The following TSC22D4 variants were observed in gnomAD, a reference collection of about 807,000 sequenced individuals.
TSC22D4 encodes TSC22 domain family member 4.
In TSC22D4, 5 loss-of-function variants were observed where a neutral mutation model predicts 24.9. That is an observed-to-expected ratio of 0.20 (90% CI 0.10 to 0.42). The LOEUF (loss-of-function observed/expected upper bound fraction) is 0.42, where lower values mean the gene tolerates loss of function less well. TSC22D4 is among the 10% of genes least tolerant of loss of function. The probability of loss-of-function intolerance (pLI) is 1.00; values close to 1 mark genes in which losing one functional copy is unlikely to be tolerated. For synonymous variants in TSC22D4, 245 were observed against 243.2 expected (o/e 1.01, Z -0.07); for missense variants, 469 against 547.9 (o/e 0.86, Z 1.44).
intron 3 of TSC22D4, chr7:100,468,019 G>GC (rs766291819): frequency 2.0e-4 from 91 of 458,584 alleles, no homozygotes; most frequent in Non-Finnish European, 3.6e-4. Context: ...GGGGCTCAGA[G>GC]CCCCCCGGGC....
chr7:100,468,407 C>T (rs1396214471), intron 3 of TSC22D4, among the ~76,000 whole-genome samples: 1 of 152,120 alleles, frequency 6.6e-6, no homozygotes, highest in Non-Finnish European at 1.5e-5. Flanking sequence ...CATTCTGTCC[C>T]CTCCGTCACT....
At chr7:100,470,200 C>G (rs931410969) in intron 3 of TSC22D4, among the ~76,000 whole-genome samples, 1 of 152,156 alleles carries the variant, frequency 6.6e-6, no homozygotes. Flanking sequence ...TGGGCAGAGA[C>G]TCAGGGGTAA....
Position 100,466,975 on chromosome 7 carries a change from T to C in TSC22D4, c.1172A>G (p.Asn391Ser), listed in dbSNP as rs375700826. ...GVPRLGPPAP[N>S]GPSV ...AAGGGAGGCTCAGACGGAGGGCCCATTGGGCGCAGGGGGCCCAAGCCGTGG... is the reference window on the plus strand; with the variant it reads ...AAGGGAGGCTCAGACGGAGGGCCCACTGGGCGCAGGGGGCCCAAGCCGTGG... Residue 391 changes from asparagine (N) to serine (S), a missense_variant, in exon 5 of 5, where the codon AAT becomes AGT. Asn to Ser is a conservative substitution (Grantham distance 46, BLOSUM62 1). Coordinates refer to ENST00000300181, the MANE Select transcript of TSC22D4 (RefSeq NM_030935.5). 1.7e-5 allele frequency: 27 copies of C among 1,576,994 alleles called. No homozygotes were observed. Among genetic ancestry groups the C allele is most frequent in the Middle Eastern group, 1.9e-4 (1 of 5,258 alleles).
rs750265100 is a variant in TSC22D4, at chr7:100,467,564, G to A, written c.966C>T (p.Ile322=). 1.3e-5 allele frequency: 21 copies of A among 1,613,952 alleles called. No homozygotes were observed. In the Admixed American group the frequency reaches 2.8e-4, roughly 22 times the overall value. The change falls in exon 4 of 5, where the codon ATC becomes ATT. Residue 322 remains isoleucine, a synonymous_variant. Coordinates refer to ENST00000300181, the MANE Select transcript of TSC22D4 (RefSeq NM_030935.5). ...SGSLVGIDNK[I]EQAMDLVKSH... ...TGGCTTCTCTTACCATGGCTTGCTC[G>A]ATTTTGTTGTCAATGCCAACCAGGC...
chr7:100,474,460 A>C lies in TSC22D4; in HGVS notation c.763-20T>G, dbSNP rs762115858. 8.1e-6 allele frequency: 13 copies of C among 1,613,186 alleles called. 1 individual carries two copies. In the South Asian group the frequency reaches 1.3e-4, roughly 16 times the overall value. The stretch of plus-strand genomic sequence containing the variant: ...GGGCACCTGGAGGCGGAGAGGTAGG[A>C]ACCATCACATGAAAAGAGAAAAGAA... On this transcript the variant is annotated intron_variant, in intron 2 of 4. Coordinates refer to ENST00000300181, the MANE Select transcript of TSC22D4 (RefSeq NM_030935.5). The surrounding 1 kb of genome is among the most constrained non-coding windows in gnomAD (Gnocchi z 4.3).
At chr7:100,470,037 C>T (rs1444148271) in intron 3 of TSC22D4, among the ~76,000 whole-genome samples, 4 of 152,064 alleles carry the variant, frequency 2.6e-5, no homozygotes, top group Non-Finnish European at 4.4e-5. Context: ...GGTCTGCCAG[C>T]AGGAGGGTCA....
intron 4 of TSC22D4, 157 bp from the exon 5 acceptor site, chr7:100,467,325 G>C (rs919424613): frequency 2.1e-5 from 19 of 904,412 alleles, no homozygotes; most frequent in Non-Finnish European, 3.4e-5. Flanking sequence ...CAGAGGCAGA[G>C]TCAGGGCTCA....
rs1426184822 is a variant in TSC22D4, at chr7:100,466,965, G to T, written c.1182C>A (p.Ser394=). The change falls in exon 5 of 5, where the codon TCC becomes TCA. Residue 394 remains serine (S), a synonymous_variant. Transcript: ENST00000300181. ...RLGPPAPNGP[S]V The stretch of plus-strand genomic sequence containing the variant: ...ATTGTAAGGGAAGGGAGGCTCAGAC[G>T]GAGGGCCCATTGGGCGCAGGGGGCC... The T allele has an allele frequency of 2.6e-6, 4 of 1,563,216 alleles. No homozygotes were observed. The South Asian group carries it at 3.5e-5, about 14-fold the overall frequency.
At chr7:100,468,329 C>A in intron 3 of TSC22D4, among the ~76,000 whole-genome samples, 1 of 152,172 alleles carries the variant, frequency 6.6e-6, no homozygotes, top group Non-Finnish European at 1.5e-5. Context: ...TGGGTCTGAG[C>A]GGGGAGTGAA....
intron 3 of TSC22D4, among the ~76,000 whole-genome samples, chr7:100,468,979 A>G (rs1199047625): frequency 6.6e-6 from 1 of 150,982 alleles, no homozygotes; most frequent in Non-Finnish European, 1.5e-5. Context: ...TAATCCCAGC[A>G]CTTTGGGAGG....
chr7:100,467,940 C>T (rs938132099), intron 3 of TSC22D4: 20 of 535,528 alleles, frequency 3.7e-5, no homozygotes, highest in Middle Eastern at 2.9e-4. Flanking sequence ...CTGGCTGGGC[C>T]ATGCCCAAGG....
rs1221392600 is a variant in TSC22D4 at position 100,477,186 on chromosome 7, G to GT, written c.762+90_762+91insA. 3.4e-5 allele frequency: 37 copies of GT among 1,078,864 alleles called. No homozygotes were observed. The African/African-American group carries it at 6.0e-4, about 17-fold the overall frequency. The allele number at this position is 1,078,864 out of a possible 1,614,324, so 66.8% of individuals were successfully genotyped here. On this transcript the variant is annotated intron_variant, in intron 2 of 4. Transcript: ENST00000300181. This position sits in a 1 kb window ranked among gnomAD's most constrained non-coding sequence, Gnocchi z 7.8. ...TCTGATCTTATAAAGTGATGGAGAAGGAGGAGGAGAGGGGGGGGAGGAGGA... is the reference window on the plus strand; with the variant it reads ...TCTGATCTTATAAAGTGATGGAGAAGTGAGGAGGAGAGGGGGGGGAGGAGGA...
At chr7:100,476,498 A>T (rs1799498907) in intron 2 of TSC22D4, among the ~76,000 whole-genome samples, 1 of 152,158 alleles carries the variant, frequency 6.6e-6, no homozygotes, top group Non-Finnish European at 1.5e-5. Context: ...CACCCCCACC[A>T]TGGGGACCCA....
chr7:100,477,214 A>C lies in TSC22D4; in HGVS notation c.762+63T>G. 1 of 1,264,152 alleles carries C rather than the reference A, an allele frequency of 7.9e-7. No homozygotes were observed. The highest frequency in any genetic ancestry group is 1.0e-6 in the Non-Finnish European group (1 of 963,832). The allele number at this position is 1,264,152 out of a possible 1,614,324, so 78.3% of individuals were successfully genotyped here. On this transcript the variant is annotated intron_variant, in intron 2 of 4. Coordinates refer to ENST00000300181, the MANE Select transcript of TSC22D4 (RefSeq NM_030935.5). This position sits in a 1 kb window ranked among gnomAD's most constrained non-coding sequence, Gnocchi z 7.8. ...GGAGGAGAGGGGGGGGAGGAGGAGGAAGGAGGCTCAAGATAGAGGTTAGGC... is the reference window on the plus strand; with the variant it reads ...GGAGGAGAGGGGGGGGAGGAGGAGGCAGGAGGCTCAAGATAGAGGTTAGGC...
In TSC22D4 at chr7:100,478,128, T is replaced by A; in HGVS notation, c.-90A>T. On this transcript the variant is annotated 5_prime_UTR_variant, in exon 2 of 5. An upstream start codon of the reference 5' UTR is lost. Coordinates refer to ENST00000300181, the MANE Select transcript of TSC22D4 (RefSeq NM_030935.5). ...GCACCCCTGGAACAAGGGGGCCACA[T>A]GGCGGGGACATCCGAGCCCCTGGGG... 1 of 1,056,824 alleles carries A rather than the reference T, an allele frequency of 9.5e-7. No individual in the cohort carries two copies. 65.5% of individuals were successfully genotyped at this position (1,056,824 alleles called of 1,614,324 possible).
rs188930537 is a variant in TSC22D4, at chr7:100,471,273, T to C, written c.929+3001A>G. Among the ~76,000 whole-genome samples the C allele has an allele frequency of 3.3e-5, 5 of 152,232 alleles. No homozygotes were observed. The East Asian group carries it at 9.7e-4, about 29-fold the overall frequency. On this transcript the variant is annotated intron_variant, in intron 3 of 4. Transcript: ENST00000300181. The stretch of plus-strand genomic sequence containing the variant: ...GGCTCCCTGCCCTGCTTGGGAGAGC[T>C]GTACCTGACTGTCCTAGAGAGAAAG...
chr7:100,474,338 G>A lies in TSC22D4; in HGVS notation c.865C>T (p.Gln289Ter). 1 of 1,614,172 alleles carries A rather than the reference G, an allele frequency of 6.2e-7. No individual in the cohort carries two copies. The highest frequency in any genetic ancestry group is 8.5e-7 in the Non-Finnish European group (1 of 1,180,030). Residue 289 changes from glutamine (Q) to a stop codon, truncating the protein, a stop_gained, in exon 3 of 5, where the codon CAG becomes TAG. Transcript: ENST00000300181. LOFTEE classifies it high-confidence loss of function. This position sits in a 1 kb window ranked among gnomAD's most constrained non-coding sequence, Gnocchi z 4.3. ...SPDPFGAVAA[Q>*]KFSLAHSMLA... Reference sequence around the variant, plus strand: ...ATGGAGTGGGCCAGGCTGAACTTCTGAGCTGCTACTGCTCCGAAGGGGTCT... The same window carrying A: ...ATGGAGTGGGCCAGGCTGAACTTCTAAGCTGCTACTGCTCCGAAGGGGTCT...
intron 3 of TSC22D4, among the ~76,000 whole-genome samples, chr7:100,472,537 G>A (rs1799411903): frequency 6.6e-6 from 1 of 152,018 alleles, no homozygotes; most frequent in Admixed American, 6.6e-5. Flanking sequence ...GGGGAGGGAC[G>A]GGGAGTCCTC....
At chr7:100,473,056 C>T (rs541768178) in intron 3 of TSC22D4, among the ~76,000 whole-genome samples, 65 of 152,288 alleles carry the variant, frequency 4.3e-4, no homozygotes, top group Middle Eastern at 3.4e-3. Context: ...TATCAGTCCC[C>T]GGGGAGAAGC....
Sources: gnomAD v4.1 joint callset for allele counts (sites outside exome capture counted in the v4.1 genomes callset) on GRCh38, gnomAD v4.1.1 for gene constraint, Gnocchi (gnomAD v3.1) non-coding constraint, MANE v1.5 for transcripts, NCBI Gene and HGNC (gene_info 2026-07-23, HGNC 2026-07-21) for gene names.